MEGF10: variants seen among roughly 807,000 people sequenced by gnomAD.
MEGF10 encodes multiple epidermal growth factor-like domains protein 10.
In MEGF10, 86 loss-of-function variants were observed where a neutral mutation model predicts 147.5. The ratio of observed to expected loss-of-function variants is 0.58; its 90% CI spans 0.49 to 0.70. MEGF10 has a LOEUF of 0.70. MEGF10 is among the 30% of genes least tolerant of loss of function. The pLI is 0.00. For synonymous variants in MEGF10, 478 were observed against 525.5 expected, an observed-to-expected ratio of 0.91 and a Z score of 1.24; for missense variants, 1,329 against 1,487.3, an observed-to-expected ratio of 0.89 and a Z score of 1.75.
At chr5:127,300,200 A>C (rs1380615326) in intron 1 of MEGF10, among the ~76,000 whole-genome samples, 1 of 152,102 alleles carries the variant, frequency 6.6e-6, no homozygotes, top group African/African-American at 2.4e-5. Flanking sequence ...ACTGTGCTAA[A>C]CACTCTCCTG....
chr5:127,300,630 A>G (rs1759725374), intron 1 of MEGF10, among the ~76,000 whole-genome samples: 1 of 152,210 alleles, frequency 6.6e-6, no homozygotes, highest in Non-Finnish European at 1.5e-5. Flanking sequence ...ACTTCAATAA[A>G]AAATTCAAAA....
At chr5:127,369,634 A>G (rs1035443468) in intron 4 of MEGF10, among the ~76,000 whole-genome samples, 4 of 152,198 alleles carry the variant, frequency 2.6e-5, no homozygotes, top group Non-Finnish European at 5.9e-5. Flanking sequence ...TAAAGAGTGA[A>G]TTAGGCAATT....
In MEGF10 at chr5:127,394,251, C is replaced by T. The variant is rs573724641; in HGVS notation, c.413-2281C>T. Among the ~76,000 whole-genome samples the T allele has an allele frequency of 7.9e-5, 12 of 152,150 alleles. No individual in the cohort carries two copies. In the South Asian group the frequency reaches 1.5e-3, roughly 18 times the overall value. On this transcript the variant is annotated intron_variant, in intron 5 of 24. Transcript: ENST00000503335. ...GGACATGGAAACTTTGGAGAGCATT[C>T]AGTAAAAGGATAAATGAAATTGAAT...
chr5:127,319,494 G>A (rs148243721), intron 1 of MEGF10, among the ~76,000 whole-genome samples: 65 of 152,284 alleles, frequency 4.3e-4, no homozygotes, highest in African/African-American at 1.5e-3. Context: ...GCTGGGTGCT[G>A]TTTTAGGTAC....
intron 20 of MEGF10, among the ~76,000 whole-genome samples, chr5:127,446,922 G>T (rs1765958683): frequency 6.6e-6 from 1 of 152,174 alleles, no homozygotes; most frequent in Non-Finnish European, 1.5e-5. Context: ...TCAGAGTACA[G>T]GTGTGATCCT....
chr5:127,336,014 TCA>T (rs1761456364), intron 2 of MEGF10, among the ~76,000 whole-genome samples: 1 of 142,098 alleles, frequency 7.0e-6, no homozygotes, highest in East Asian at 2.3e-4. Context: ...AGTGGACGCT[TCA>T]GTTTCTGACC....
chr5:127,282,437 A>G, the MEGF10 span, among the ~76,000 whole-genome samples: 3 of 152,160 alleles, frequency 2.0e-5, no homozygotes, highest in Non-Finnish European at 4.4e-5. Context: ...TCAAATATGC[A>G]CCAATTATGA....
intron 16 of MEGF10, among the ~76,000 whole-genome samples, chr5:127,436,758 T>C (rs1170540862): frequency 6.6e-6 from 1 of 152,196 alleles, no homozygotes; most frequent in Non-Finnish European, 1.5e-5. Flanking sequence ...GGAAGCTGAC[T>C]TATTTGGCAA....
At position 127,458,617 on chromosome 5, in the gene MEGF10, A is replaced by G. The variant is rs1378564642; in HGVS notation, c.*1299A>G. 6.6e-6 allele frequency: 1 copy of G among 152,162 alleles called. No individual in the cohort carries two copies. Among genetic ancestry groups the G allele is most frequent in the East Asian group, 1.9e-4 (1 of 5,192 alleles). 9.4% of individuals were successfully genotyped at this position (152,162 alleles called of 1,614,324 possible). On this transcript the variant is annotated 3_prime_UTR_variant, in exon 25 of 25. Coordinates refer to ENST00000503335, the MANE Select transcript of MEGF10 (RefSeq NM_001256545.2). ...AGATGAAAATATATAATTTGAATTG[A>G]TTAAAATTGGTCGTTACTAAAATAG...
At position 127,410,506 on chromosome 5, in the gene MEGF10, T is replaced by G. The variant is rs772920449; in HGVS notation, c.1035T>G (p.Phe345Leu). 3.1e-6 allele frequency: 5 copies of G among 1,614,116 alleles called. No homozygotes were observed. The South Asian group carries it at 5.5e-5, about 18-fold the overall frequency. The change falls in exon 9 of 25, where the codon TTT (phenylalanine) becomes TTG (leucine). Residue 345 changes from phenylalanine (F) to leucine (L), a missense_variant. Around this residue, in one of 3 missense-constraint regions of MEGF10, gnomAD observed 980 missense variants for 1,085.9 expected, o/e 0.90. Coordinates refer to ENST00000503335, the MANE Select transcript of MEGF10 (RefSeq NM_001256545.2). ...VSGACLCEAG[F>L]AGERCEARLC... ...GCGCATGCCTCTGTGAAGCAGGCTT[T>G]GCTGGCGAGCGCTGCGAAGCACGCC...
chr5:127,423,647 A>G (rs1264956895), intron 13 of MEGF10, among the ~76,000 whole-genome samples: 1 of 152,174 alleles, frequency 6.6e-6, no homozygotes, highest in Non-Finnish European at 1.5e-5. Context: ...GATATTGAAC[A>G]TCTTTCTGTG....
chr5:127,437,928 A>G (rs1038333648), intron 16 of MEGF10, among the ~76,000 whole-genome samples: 1 of 152,204 alleles, frequency 6.6e-6, no homozygotes, highest in African/African-American at 2.4e-5. Context: ...CTCCTCACAG[A>G]GGCCTTCCTC....
intron 1 of MEGF10, among the ~76,000 whole-genome samples, chr5:127,325,868 T>TACACAC (rs1561572178): frequency 2.8e-5 from 4 of 144,520 alleles, no homozygotes; most frequent in African/African-American, 1.0e-4. Flanking sequence ...TATATATATA[T>TACACAC]ACATATATGT....
intron 1 of MEGF10, among the ~76,000 whole-genome samples, chr5:127,292,181 A>C (rs1163513832): frequency 6.6e-6 from 1 of 152,132 alleles, no homozygotes; most frequent in Non-Finnish European, 1.5e-5. Flanking sequence ...TACCACTGAG[A>C]GTTCAAAGAG....
In MEGF10 at chr5:127,457,449, A is replaced by G; in HGVS notation, c.*131A>G. On this transcript the variant is annotated 3_prime_UTR_variant, in exon 25 of 25. Transcript: ENST00000503335. Reference sequence around the variant, plus strand: ...TGGGCAATTTTTGGACATGAACCAGAAAGCTGAAAGCTGAGGCTGACACGG... The same window carrying G: ...TGGGCAATTTTTGGACATGAACCAGGAAGCTGAAAGCTGAGGCTGACACGG... The G allele has an allele frequency of 1.1e-6, 1 of 946,232 alleles. No homozygotes were observed. The highest frequency in any genetic ancestry group is 1.5e-6 in the Non-Finnish European group (1 of 651,214). The allele number at this position is 946,232 out of a possible 1,614,324, so 58.6% of individuals were successfully genotyped here. A position where few individuals can be genotyped will look rare whatever the true frequency, so the allele number is the denominator to read the frequency against.
intron 5 of MEGF10, among the ~76,000 whole-genome samples, chr5:127,393,250 G>A (rs766948516): frequency 2.0e-5 from 3 of 152,152 alleles, no homozygotes; most frequent in Admixed American, 1.3e-4. Flanking sequence ...GACCTTCTCC[G>A]AGCTGTCTCT....
At chr5:127,234,308 A>G in the MEGF10 span, among the ~76,000 whole-genome samples, 1 of 152,222 alleles carries the variant, frequency 6.6e-6, no homozygotes, top group Non-Finnish European at 1.5e-5. Context: ...CTTGTATTTC[A>G]TTGGCCAGAA....
At chr5:127,407,205 A>T (rs1386958837) in intron 8 of MEGF10, among the ~76,000 whole-genome samples, 3 of 152,180 alleles carry the variant, frequency 2.0e-5, no homozygotes, top group Admixed American at 1.3e-4. Flanking sequence ...CCAGAGCAGC[A>T]GTTCCGGATG....
chr5:127,295,992 T>G (rs1446938140), intron 1 of MEGF10, among the ~76,000 whole-genome samples: 2 of 152,252 alleles, frequency 1.3e-5, no homozygotes, highest in Admixed American at 1.3e-4. Context: ...TATTCAGTCA[T>G]TCATTCATTC....
Sources: gnomAD v4.1 joint callset for allele counts (sites outside exome capture counted in the v4.1 genomes callset) on GRCh38, gnomAD v4.1.1 for gene constraint, gnomAD v4.1.1 regional missense constraint, MANE v1.5 for transcripts, NCBI Gene and HGNC (gene_info 2026-07-23, HGNC 2026-07-21) for gene names.